TRERF1: variants seen among roughly 807,000 people sequenced by gnomAD.
TRERF1 encodes the protein transcriptional regulating factor 1, also known as transcriptional-regulating factor 1.
In TRERF1, 27 loss-of-function variants were observed where a neutral mutation model predicts 122.9. The observed-to-expected ratio is 0.22, with a 90% CI of 0.16 to 0.30. The LOEUF (loss-of-function observed/expected upper bound fraction) is 0.30. TRERF1 is among the 10% of genes least tolerant of loss of function. The pLI, the probability that TRERF1 is intolerant of heterozygous loss-of-function variation, is 1.00. For missense variants in TRERF1, 1,248 were observed against 1,560.3 expected (o/e 0.80, Z 3.37); for synonymous variants, 636 against 641.7 (o/e 0.99, Z 0.13).
chr6:42,335,020 C>T (rs185267350), intron 3 of TRERF1, among the ~76,000 whole-genome samples: 22 of 152,368 alleles, frequency 1.4e-4, no homozygotes, highest in Admixed American at 7.2e-4. Flanking sequence ...TAGAAATGAT[C>T]TTGCTGGATC....
At chr6:42,321,442 T>A (rs912841448) in intron 3 of TRERF1, among the ~76,000 whole-genome samples, 15 of 151,800 alleles carry the variant, frequency 9.9e-5, no homozygotes, top group Admixed American at 7.9e-4. Flanking sequence ...GCAAAGTTTT[T>A]AAAAAAAAGG....
At chr6:42,408,609 T>G (rs1483658456) in intron 2 of TRERF1, among the ~76,000 whole-genome samples, 1 of 151,818 alleles carries the variant, frequency 6.6e-6, no homozygotes, top group Non-Finnish European at 1.5e-5. Context: ...AACTCCTGAC[T>G]TCAGGTGATC....
rs1263479361 is a variant in TRERF1, at chr6:42,259,321, G to T, written c.2269+18C>A. On this transcript the variant is annotated intron_variant, in intron 9 of 17. Coordinates refer to ENST00000372922, the Ensembl canonical transcript of TRERF1. This position sits in a 1 kb window ranked among gnomAD's most constrained non-coding sequence, Gnocchi z 4.9. ...CCCAGCACCCAGAGCCCAGGAGGAC[G>T]CTAAAGGGGTGACTCACTGGAGCGA... is the stretch of plus-strand genomic sequence containing the variant. 10 of 1,491,050 alleles carry T rather than the reference G, an allele frequency of 6.7e-6. No homozygotes were observed. Among genetic ancestry groups the T allele is most frequent in the Non-Finnish European group, 8.9e-6 (10 of 1,129,716 alleles). The allele number at this position is 1,491,050 out of a possible 1,614,324, so 92.4% of individuals were successfully genotyped here. A position where few individuals can be genotyped will look rare whatever the true frequency, so the allele number is the denominator to read the frequency against.
intron 3 of TRERF1, among the ~76,000 whole-genome samples, chr6:42,342,628 T>C (rs1484087836): frequency 6.6e-6 from 1 of 152,224 alleles, no homozygotes; most frequent in African/African-American, 2.4e-5. Context: ...TAATCATCCA[T>C]ACAGTGCTTA....
chr6:42,377,026 C>T (rs9784863), intron 2 of TRERF1, among the ~76,000 whole-genome samples: 9,364 of 151,836 alleles, frequency 0.062, 801 homozygotes, highest in African/African-American at 0.19. Context: ...CCACCATGAC[C>T]GGCTAATTTT....
chr6:42,249,546 C>A (rs1438573815), intron 13 of TRERF1, among the ~76,000 whole-genome samples: 2 of 152,206 alleles, frequency 1.3e-5, no homozygotes. Flanking sequence ...CTTCTCCCTG[C>A]TGATTCCTGG....
At chr6:42,359,499 G>A (rs1396997598) in intron 3 of TRERF1, among the ~76,000 whole-genome samples, 2 of 152,168 alleles carry the variant, frequency 1.3e-5, no homozygotes, top group Non-Finnish European at 2.9e-5. Flanking sequence ...GCTGAGGTGG[G>A]TGAATTATGA....
At chr6:42,307,137 G>A (rs1267810522) in intron 3 of TRERF1, among the ~76,000 whole-genome samples, 1 of 152,194 alleles carries the variant, frequency 6.6e-6, no homozygotes, top group Non-Finnish European at 1.5e-5. Context: ...TATATTAATA[G>A]TAGGACCTTG....
chr6:42,350,041 C>T (rs1769106083), intron 3 of TRERF1, among the ~76,000 whole-genome samples: 1 of 152,142 alleles, frequency 6.6e-6, no homozygotes, highest in Admixed American at 6.5e-5. Context: ...AGATTGCATT[C>T]TATCTGGAAC....
intron 6 of TRERF1, 50 bp from the exon 7 acceptor site, chr6:42,264,904 G>T: frequency 6.3e-7 from 1 of 1,598,536 alleles, no homozygotes. Context: ...TGAGGAAGGG[G>T]AAACAGTGAC....
intron 13 of TRERF1, among the ~76,000 whole-genome samples, chr6:42,253,265 T>C (rs946637014): frequency 6.6e-6 from 1 of 152,168 alleles, no homozygotes; most frequent in Non-Finnish European, 1.5e-5. Context: ...TGCTCACAGC[T>C]AGAGCTAACC....
intron 2 of TRERF1, among the ~76,000 whole-genome samples, chr6:42,390,190 G>C (rs2151235329): frequency 6.6e-6 from 1 of 152,318 alleles, no homozygotes; most frequent in East Asian, 1.9e-4. Context: ...TACAAACGAA[G>C]ATATACAAGA....
In TRERF1 at chr6:42,362,620, T is replaced by C. The variant is rs116956661; in HGVS notation, c.-371+377A>G. ...CAGCTAAGGCTCCTGAGTCCAGCAA[T>C]CCGCCTCTGGCAGGCTCTGTGGAGC... On this transcript the variant is annotated intron_variant, in intron 3 of 17. Coordinates refer to ENST00000372922, the Ensembl canonical transcript of TRERF1. Among the ~76,000 whole-genome samples, 725 of 152,284 alleles carry C rather than the reference T, an allele frequency of 4.8e-3. 38 individuals are homozygous for C. In the East Asian group the frequency reaches 0.11, roughly 23 times the overall value.
chr6:42,410,109 T>A (rs1050504231), intron 2 of TRERF1, among the ~76,000 whole-genome samples: 4 of 152,194 alleles, frequency 2.6e-5, no homozygotes, highest in Middle Eastern at 3.2e-3. Context: ...TGAATCAGAC[T>A]TATATTCCTG....
chr6:42,261,117 C>T (rs1259281083), intron 8 of TRERF1, among the ~76,000 whole-genome samples: 2 of 152,144 alleles, frequency 1.3e-5, no homozygotes, highest in Non-Finnish European at 2.9e-5. Flanking sequence ...GAGGGCTCCT[C>T]AGCGCCTGAG....
chr6:42,288,225 A>C (rs146922069), intron 4 of TRERF1, among the ~76,000 whole-genome samples: 1,913 of 152,114 alleles, frequency 0.013, 15 homozygotes, highest in Non-Finnish European at 0.019. Flanking sequence ...GGGTGTGTGC[A>C]TGTCAGCCAG....
At chr6:42,282,682 T>C (rs747218558) in intron 4 of TRERF1, among the ~76,000 whole-genome samples, 9 of 152,236 alleles carry the variant, frequency 5.9e-5, no homozygotes, top group Non-Finnish European at 7.3e-5. Flanking sequence ...GTATGTTCAG[T>C]ATGCTCTCTT....
At chr6:42,231,630 C>G (rs1209922254) in intron 17 of TRERF1, among the ~76,000 whole-genome samples, 1 of 152,160 alleles carries the variant, frequency 6.6e-6, no homozygotes, top group Non-Finnish European at 1.5e-5. Flanking sequence ...CAGCAAGGCT[C>G]CTAAAGGATG....
rs142626827 is a variant in TRERF1 at position 42,443,513 on chromosome 6, C to T, written c.-454+7664G>A. Among the ~76,000 whole-genome samples, 6 of 152,314 alleles carry T rather than the reference C, an allele frequency of 3.9e-5. No individual in the cohort carries two copies. The East Asian group carries it at 5.8e-4, about 15-fold the overall frequency. On this transcript the variant is annotated intron_variant, in intron 2 of 17. Coordinates refer to ENST00000372922, the Ensembl canonical transcript of TRERF1. ...AACAAACACTGAATGCAAATGAAGACGGCTAAGACTGTAGAACCTCAGTCG... is the reference window on the plus strand; with the variant it reads ...AACAAACACTGAATGCAAATGAAGATGGCTAAGACTGTAGAACCTCAGTCG...
Sources: allele counts gnomAD v4.1 joint callset (sites outside exome capture counted in the v4.1 genomes callset), GRCh38; gene constraint gnomAD v4.1.1; non-coding constraint Gnocchi (gnomAD v3.1); transcripts MANE v1.5; gene names NCBI Gene and HGNC (gene_info 2026-07-23, HGNC 2026-07-21).